Variants in WNT2B observed in about 807,000 individuals in gnomAD.
The protein encoded by WNT2B is protein Wnt-2b.
Under a neutral mutation model 40.5 loss-of-function variants are expected in WNT2B, and 19 were observed. That is an observed-to-expected ratio of 0.47 (90% CI 0.33 to 0.69). The LOEUF is 0.69. Ranked by LOEUF, WNT2B falls within the 30% of genes least tolerant of loss-of-function variation. WNT2B has a pLI of 0.02. For missense variants in WNT2B, 467 were observed against 556.4 expected, an observed-to-expected ratio of 0.84 and a Z score of 1.62; for synonymous variants, 220 against 211.9, an observed-to-expected ratio of 1.04 and a Z score of -0.33.
rs1020693495 is a variant in WNT2B, at chr1:112,524,830, C to T, written c.*4321C>T. 2.6e-5 allele frequency: 4 copies of T among 152,126 alleles called. No homozygotes were observed. Among genetic ancestry groups the T allele is most frequent in the African/African-American group, 9.7e-5 (4 of 41,398 alleles). 9.4% of individuals were successfully genotyped at this position (152,126 alleles called of 1,614,324 possible). On this transcript the variant is annotated 3_prime_UTR_variant, in exon 5 of 5. Transcript: ENST00000369684. ...CAGGCTGCATAGGAGTTCTGCTCAT[C>T]CTCCTCTCCCCAACAATTAAAAAAA...
chr1:112,520,240 G>C, intron 4 of WNT2B, 40 bp from the exon 5 acceptor site: 1 of 1,578,804 alleles, frequency 6.3e-7, no homozygotes. Context: ...GGCAGCTGAA[G>C]AGATAACTTT....
rs1253412616 is a variant in WNT2B, at chr1:112,523,147, C to CTA, written c.*2641_*2642dup. The CTA allele has an allele frequency of 2.0e-5, 3 of 152,224 alleles. No individual in the cohort carries two copies. Among genetic ancestry groups the CTA allele is most frequent in the Admixed American group, 1.3e-4 (2 of 15,286 alleles). The allele number at this position is 152,224 out of a possible 1,614,324, so 9.4% of individuals were successfully genotyped here. A position where few individuals can be genotyped will look rare whatever the true frequency, so the allele number is the denominator to read the frequency against. On this transcript the variant is annotated 3_prime_UTR_variant, in exon 5 of 5. Coordinates refer to ENST00000369684, the MANE Select transcript of WNT2B (RefSeq NM_024494.3). ...GGACGTCAACCTGACTTAAATCTAC[C>CTA]TATACCCTACTCTCTATTCTTTGGT...
At chr1:112,514,373 T>C (rs1652453250) in intron 1 of WNT2B, among the ~76,000 whole-genome samples, 1 of 152,294 alleles carries the variant, frequency 6.6e-6, no homozygotes, top group Non-Finnish European at 1.5e-5. Flanking sequence ...GATTGCTCAC[T>C]ATGTCTCTTC....
intron 1 of WNT2B, among the ~76,000 whole-genome samples, chr1:112,481,967 T>A (rs141779711): frequency 0.062 from 9,489 of 151,956 alleles, 330 homozygotes; most frequent in Middle Eastern, 0.075. Context: ...GCCAACATGG[T>A]GAAACCCCAT....
chr1:112,478,685 C>A (rs1651126952), intron 1 of WNT2B, among the ~76,000 whole-genome samples: 1 of 152,108 alleles, frequency 6.6e-6, no homozygotes, highest in African/African-American at 2.4e-5. Context: ...TTTTGGAAGG[C>A]TGAGGTGGAA....
rs1056574563 is a variant in WNT2B, at chr1:112,484,205, T to A, written c.-95+16614T>A. ...ATATATAATTTTGTCTCCAAAAATTTTATATATATATACACATATATATAT... is the reference window on the plus strand; with the variant it reads ...ATATATAATTTTGTCTCCAAAAATTATATATATATATACACATATATATAT... On this transcript the variant is annotated intron_variant, in intron 1 of 4. Transcript: ENST00000256640. Among the ~76,000 whole-genome samples the A allele has an allele frequency of 3.3e-4, 39 of 119,728 alleles. 1 individual carries two copies. In the East Asian group the frequency reaches 8.3e-3, roughly 25 times the overall value. 78.5% of individuals were successfully genotyped at this position (119,728 alleles called of 152,430 possible).
Position 112,509,504 on chromosome 1 carries a change from T to C in WNT2B, c.182+60T>C, listed in dbSNP as rs1034769579. ...CTTGGTAGGAGAGGCCGGAGGCGCC[T>C]GGAGGGACTGGCTGCTCACGGGACC... On this transcript the variant is annotated intron_variant, in intron 1 of 4. Transcript: ENST00000369684. The surrounding 1 kb of genome is among the most constrained non-coding windows in gnomAD (Gnocchi z 4.2). 20 of 1,499,346 alleles carry C rather than the reference T, an allele frequency of 1.3e-5. No homozygotes were observed. The Admixed American group carries it at 4.5e-4, about 34-fold the overall frequency. 92.9% of individuals were successfully genotyped at this position (1,499,346 alleles called of 1,614,324 possible). A position where few individuals can be genotyped will look rare whatever the true frequency, so the allele number is the denominator to read the frequency against.
At chr1:112,517,887 T>A (rs1038469963) in intron 4 of WNT2B, 1 of 155,436 alleles carries the variant, frequency 6.4e-6, no homozygotes, top group African/African-American at 2.4e-5. Context: ...GTAGGGAGTA[T>A]CTGGATAGCT....
chr1:112,493,972 G>T (rs1382686629), intron 1 of WNT2B, among the ~76,000 whole-genome samples: 1 of 151,046 alleles, frequency 6.6e-6, no homozygotes, highest in Non-Finnish European at 1.5e-5. Context: ...AAAGAAGCCA[G>T]CGATGAGAAA....
intron 1 of WNT2B, among the ~76,000 whole-genome samples, chr1:112,489,507 T>C (rs1398096616): frequency 6.6e-6 from 1 of 152,054 alleles, no homozygotes; most frequent in Admixed American, 6.5e-5. Flanking sequence ...GAGGCTGCAG[T>C]GAGCCGAGAT....
chr1:112,504,428 A>G (rs898699379), upstream of WNT2B, among the ~76,000 whole-genome samples: 9 of 152,000 alleles, frequency 5.9e-5, no homozygotes, highest in Admixed American at 3.3e-4. Context: ...TTGGAGCTGG[A>G]TGCTCCTTCC....
At position 112,517,197 on chromosome 1, in the gene WNT2B, G is replaced by C; in HGVS notation, c.758G>C (p.Arg253Pro). 5.0e-6 allele frequency: 8 copies of C among 1,614,184 alleles called. No individual in the cohort carries two copies. The highest frequency in any genetic ancestry group is 6.8e-6 in the Non-Finnish European group (8 of 1,180,042). Residue 253 changes from arginine to proline, a missense_variant, in exon 4 of 5, where the codon CGT becomes CCT. Physicochemically the swap from Arg to Pro is moderately radical, Grantham distance 103. This residue lies in a region of WNT2B where 330 missense variants were observed against 438.6 expected (regional missense o/e 0.75). Coordinates refer to ENST00000369684, the MANE Select transcript of WNT2B (RefSeq NM_024494.3). ...TCCTGTACTCTGCGCACCTGCTGGC[G>C]TGCACTCTCAGATTTCCGCCGCACA... is the stretch of plus-strand genomic sequence containing the variant. Reference protein sequence around the residue: ...SGSCTLRTCWRALSDFRRTGD... With the variant: ...SGSCTLRTCWPALSDFRRTGD...
rs1240362898 is a variant in WNT2B, at chr1:112,525,953, T to C, written c.*5444T>C. 2 of 1,607,378 alleles carry C rather than the reference T, an allele frequency of 1.2e-6. No individual in the cohort carries two copies. The highest frequency in any genetic ancestry group is 2.2e-5 in the East Asian group (1 of 44,756). On this transcript the variant is annotated 3_prime_UTR_variant, in exon 5 of 5. Coordinates refer to ENST00000369684, the MANE Select transcript of WNT2B (RefSeq NM_024494.3). The stretch of plus-strand genomic sequence containing the variant: ...TGTGAGGTAGGGGTTACTGTCACTT[T>C]ACAGATGCTGTTCAGAAAAATTTGG...
chr1:112,509,305 C>T lies in WNT2B; in HGVS notation c.43C>T (p.Leu15Phe). 1 of 1,559,476 alleles carries T rather than the reference C, an allele frequency of 6.4e-7. No homozygotes were observed. The highest frequency in any genetic ancestry group is 8.6e-7 in the Non-Finnish European group (1 of 1,158,776). The change falls in exon 1 of 5, where the codon CTT becomes TTT. Residue 15 changes from leucine (L) to phenylalanine (F), a missense_variant. By Grantham distance (22) the Leu-to-Phe change is conservative. Around this residue, in one of 2 missense-constraint regions of WNT2B, gnomAD observed 137 missense variants for 117.7 expected, o/e 1.16. Transcript: ENST00000369684. The surrounding 1 kb of genome is among the most constrained non-coding windows in gnomAD (Gnocchi z 4.2). ...TGCGGAGGAAGCTGCGCAGCTCCCG[C>T]TTCGGCGCGCCAGCGCCCCGGTCCC... ...GGAEEAAQLP[L>F]RRASAPVPVP...
intron 1 of WNT2B, among the ~76,000 whole-genome samples, chr1:112,479,649 G>A (rs184005828): frequency 6.6e-6 from 1 of 152,186 alleles, no homozygotes; most frequent in Non-Finnish European, 1.5e-5. Flanking sequence ...AGTGTGCAGG[G>A]GTGCAGGGAT....
At position 112,520,816 on chromosome 1, in the gene WNT2B, CCTT is replaced by C; in HGVS notation, c.*308_*310del. On this transcript the variant is annotated 3_prime_UTR_variant, in exon 5 of 5. Coordinates refer to ENST00000369684, the MANE Select transcript of WNT2B (RefSeq NM_024494.3). ...TGCACTAAAGTACGTAGTTGAGGCT[CCTT>C]TTTTCTTTCCTTTGCACCAGCTTCC... is the stretch of plus-strand genomic sequence containing the variant. 2.8e-6 allele frequency: 1 copy of C among 362,542 alleles called. No homozygotes were observed. Among genetic ancestry groups the C allele is most frequent in the East Asian group, 4.6e-5 (1 of 21,532 alleles). 22.5% of individuals were successfully genotyped at this position (362,542 alleles called of 1,614,324 possible). A position where few individuals can be genotyped will look rare whatever the true frequency, so the allele number is the denominator to read the frequency against.
chr1:112,473,521 T>C (rs534360482), intron 1 of WNT2B, among the ~76,000 whole-genome samples: 5 of 152,014 alleles, frequency 3.3e-5, no homozygotes, highest in African/African-American at 1.2e-4. Flanking sequence ...TGAAGAAATA[T>C]TAATAAAAGC....
rs1283419578 is a variant in WNT2B at position 112,520,618 on chromosome 1, C to A, written c.*109C>A. 4 of 1,143,696 alleles carry A rather than the reference C, an allele frequency of 3.5e-6. No individual in the cohort carries two copies. Among genetic ancestry groups the A allele is most frequent in the Non-Finnish European group, 5.1e-6 (4 of 791,700 alleles). The allele number at this position is 1,143,696 out of a possible 1,614,324, so 70.8% of individuals were successfully genotyped here. A position where few individuals can be genotyped will look rare whatever the true frequency, so the allele number is the denominator to read the frequency against. The stretch of plus-strand genomic sequence containing the variant: ...CCTCCACCCTGGGCTGCTACCGCTT[C>A]TATTTAAGGATGTAGAGAGTAATCC... On this transcript the variant is annotated 3_prime_UTR_variant, in exon 5 of 5. Coordinates refer to ENST00000369684, the MANE Select transcript of WNT2B (RefSeq NM_024494.3).
intron 1 of WNT2B, among the ~76,000 whole-genome samples, chr1:112,498,010 C>T (rs939338447): frequency 1.3e-5 from 2 of 151,886 alleles, no homozygotes; most frequent in African/African-American, 4.8e-5. Context: ...ACCTGTCAAC[C>T]CGTCGTCATC....
Sources: allele counts gnomAD v4.1 joint callset (sites outside exome capture counted in the v4.1 genomes callset), GRCh38; gene constraint gnomAD v4.1.1; regional missense constraint gnomAD v4.1.1; non-coding constraint Gnocchi (gnomAD v3.1); transcripts MANE v1.5; gene names NCBI Gene and HGNC (gene_info 2026-07-23, HGNC 2026-07-21).